Variants in NAALADL2 observed in about 807,000 individuals in gnomAD.
NAALADL2 encodes the protein inactive N-acetylated-alpha-linked acidic dipeptidase-like protein 2.
In NAALADL2, 76 loss-of-function variants were observed where a neutral mutation model predicts 87.2. The observed-to-expected ratio is 0.87, with a 90% CI of 0.72 to 1.05. The LOEUF (loss-of-function observed/expected upper bound fraction) is 1.05, where lower values mean the gene tolerates loss of function less well. Ranked by LOEUF, NAALADL2 falls within the 50% of genes least tolerant of loss-of-function variation. The probability of loss-of-function intolerance (pLI) is 0.00; values close to 1 mark genes in which losing one functional copy is unlikely to be tolerated. For missense variants in NAALADL2, 1,089 were observed against 945.8 expected (o/e 1.15, Z -1.99); for synonymous variants, 354 against 331.0 (o/e 1.07, Z -0.75).
intron 4 of NAALADL2, among the ~76,000 whole-genome samples, chr3:175,314,688 A>ATATATATAGTTCTAAC (rs1758862884): frequency 1.0e-4 from 4 of 39,610 alleles, no homozygotes; most frequent in African/African-American, 4.5e-4. Flanking sequence ...ATATATATAT[A>ATATATATAGTTCTAAC]TATATATATA....
intron 2 of NAALADL2, among the ~76,000 whole-genome samples, chr3:175,132,239 CG>C (rs1560068952): frequency 5.4e-5 from 3 of 55,240 alleles, no homozygotes; most frequent in Non-Finnish European, 9.4e-5. Flanking sequence ...ACCTCCCGGA[CG>C]GGGCGGCTGG....
At chr3:174,944,281 G>A (rs1438884990) in intron 1 of NAALADL2, among the ~76,000 whole-genome samples, 1 of 152,134 alleles carries the variant, frequency 6.6e-6, no homozygotes, top group Non-Finnish European at 1.5e-5. Flanking sequence ...ACAGGATCAG[G>A]CACCTACTTT....
chr3:175,702,470 A>AG (rs1405200902), intron 11 of NAALADL2, among the ~76,000 whole-genome samples: 4 of 152,090 alleles, frequency 2.6e-5, no homozygotes, highest in African/African-American at 4.8e-5. Flanking sequence ...TAGGGAAGAC[A>AG]GAAAAAAAAA....
chr3:174,906,275 C>G (rs1732946826), intron 1 of NAALADL2, among the ~76,000 whole-genome samples: 1 of 152,032 alleles, frequency 6.6e-6, no homozygotes. Context: ...TTTGCTTCGA[C>G]AGTATGGAAC....
intron 1 of NAALADL2, among the ~76,000 whole-genome samples, chr3:174,875,915 G>A (rs1270725976): frequency 6.6e-6 from 1 of 151,324 alleles, no homozygotes; most frequent in Non-Finnish European, 1.5e-5. Flanking sequence ...CATGCTTATA[G>A]TAATAATTTA....
chr3:174,880,264 C>T (rs1353260395), intron 1 of NAALADL2, among the ~76,000 whole-genome samples: 2 of 152,070 alleles, frequency 1.3e-5, no homozygotes, highest in African/African-American at 4.8e-5. Flanking sequence ...GATAGTCTCT[C>T]CCAAACCTAT....
intron 10 of NAALADL2, among the ~76,000 whole-genome samples, chr3:175,600,170 A>G (rs1722762440): frequency 6.6e-6 from 1 of 151,986 alleles, no homozygotes; most frequent in Non-Finnish European, 1.5e-5. Context: ...CTTGATATAT[A>G]ATCAAATCAG....
intron 3 of NAALADL2, among the ~76,000 whole-genome samples, chr3:174,800,971 G>A (rs1354106019): frequency 2.0e-5 from 3 of 152,134 alleles, no homozygotes; most frequent in African/African-American, 7.2e-5. Flanking sequence ...CCCAATTCCT[G>A]TACCCCCATT....
chr3:174,955,650 CAAAT>C (rs1304773082), intron 1 of NAALADL2, among the ~76,000 whole-genome samples: 1 of 152,036 alleles, frequency 6.6e-6, no homozygotes, highest in Admixed American at 6.6e-5. Context: ...TAACTAAAGA[CAAAT>C]AGAGATATCA....
intron 4 of NAALADL2, among the ~76,000 whole-genome samples, chr3:175,257,473 T>C (rs1581150318): frequency 6.6e-6 from 1 of 151,882 alleles, no homozygotes; most frequent in African/African-American, 2.4e-5. Context: ...AAACAGAATA[T>C]ACAGTGATAC....
intron 1 of NAALADL2, among the ~76,000 whole-genome samples, chr3:174,491,813 A>G (rs1399375035): frequency 6.6e-6 from 1 of 152,178 alleles, no homozygotes; most frequent in Non-Finnish European, 1.5e-5. Context: ...ACTTTTGTTT[A>G]TTACATCCTG....
chr3:175,595,880 G>GA (rs1051463249), intron 10 of NAALADL2, among the ~76,000 whole-genome samples: 7 of 151,824 alleles, frequency 4.6e-5, no homozygotes, highest in Admixed American at 3.9e-4. Flanking sequence ...CAGAAAATTA[G>GA]AAAAAACTAT....
chr3:174,570,907 A>C (rs1044730693), intron 2 of NAALADL2, among the ~76,000 whole-genome samples: 1 of 152,228 alleles, frequency 6.6e-6, no homozygotes, highest in African/African-American at 2.4e-5. Flanking sequence ...TTTTCCTAAT[A>C]TATTTGATCA....
chr3:174,690,395 T>C (rs651791), intron 2 of NAALADL2, among the ~76,000 whole-genome samples: 55,027 of 152,046 alleles, frequency 0.36, 10,777 homozygotes, highest in Non-Finnish European at 0.43. Context: ...TTAACATTTA[T>C]CTGTCTGGAT....
chr3:174,776,413 C>G (rs1237830188), intron 3 of NAALADL2, among the ~76,000 whole-genome samples: 1 of 152,062 alleles, frequency 6.6e-6, no homozygotes, highest in Admixed American at 6.6e-5. Flanking sequence ...ACTCACAATT[C>G]TGTAAACGCC....
chr3:174,808,572 A>T (rs891320827), intron 3 of NAALADL2, among the ~76,000 whole-genome samples: 1 of 152,180 alleles, frequency 6.6e-6, no homozygotes, highest in Non-Finnish European at 1.5e-5. Flanking sequence ...TTAAATAAGT[A>T]TAATAAACTG....
At chr3:174,734,781 T>C (rs2108992916) in intron 2 of NAALADL2, among the ~76,000 whole-genome samples, 1 of 152,318 alleles carries the variant, frequency 6.6e-6, no homozygotes, top group South Asian at 2.1e-4. Flanking sequence ...AGCACCTTTT[T>C]CTCTAAAAGC....
At chr3:174,696,886 G>A (rs951462401) in intron 2 of NAALADL2, among the ~76,000 whole-genome samples, 4 of 151,968 alleles carry the variant, frequency 2.6e-5, no homozygotes, top group Admixed American at 6.6e-5. Context: ...AAAAATAGCC[G>A]TTCTTAGCAA....
At chr3:175,036,804 CTTTTTT>C (rs10662446) in intron 1 of NAALADL2, among the ~76,000 whole-genome samples, 14 of 117,360 alleles carry the variant, frequency 1.2e-4, no homozygotes, top group African/African-American at 4.6e-4. Context: ...TCCATCTGTT[CTTTTTT>C]TTTTTTTTTT....
Sources: allele counts gnomAD v4.1 joint callset (sites outside exome capture counted in the v4.1 genomes callset), GRCh38; gene constraint gnomAD v4.1.1; transcripts MANE v1.5; gene names NCBI Gene and HGNC (gene_info 2026-07-23, HGNC 2026-07-21).